Variants in MED13L observed in about 807,000 individuals in gnomAD.
MED13L encodes the protein mediator of RNA polymerase II transcription subunit 13-like.
In MED13L, 7 loss-of-function variants were observed where a neutral mutation model predicts 220.9. The ratio of observed to expected loss-of-function variants is 0.03; its 90% confidence interval spans 0.02 to 0.06. The LOEUF (loss-of-function observed/expected upper bound fraction) is 0.06, where lower values mean the gene tolerates loss of function less well. Ranked by LOEUF, MED13L falls within the 10% of genes least tolerant of loss-of-function variation. The pLI, the probability that MED13L is intolerant of heterozygous loss-of-function variation, is 1.00. For missense variants in MED13L, 1,965 were observed against 2,760.5 expected (o/e 0.71, Z 6.46); for synonymous variants, 1,011 against 1,015.2 (o/e 1.00, Z 0.08).
intron 4 of MED13L, among the ~76,000 whole-genome samples, chr12:116,088,102 A>G (rs895402732): frequency 6.6e-6 from 1 of 152,120 alleles, no homozygotes; most frequent in African/African-American, 2.4e-5. Flanking sequence ...CACCAGAAGG[A>G]GGAAATGGCA....
At chr12:116,124,440 T>C (rs780390424) in intron 2 of MED13L, among the ~76,000 whole-genome samples, 3 of 152,188 alleles carry the variant, frequency 2.0e-5, no homozygotes, top group Non-Finnish European at 4.4e-5. Context: ...CTTCTTTCAC[T>C]ATAGGACTAG....
Position 116,008,767 on chromosome 12 carries a change from T to A in MED13L, c.1646A>T (p.His549Leu), listed in dbSNP as rs756238240. 1 of 1,613,974 alleles carries A rather than the reference T, an allele frequency of 6.2e-7. No individual in the cohort carries two copies. The highest frequency in any genetic ancestry group is 2.2e-5 in the East Asian group (1 of 44,836). Residue 549 changes from histidine (H) to leucine (L), a missense_variant, in exon 10 of 31, where the codon CAT becomes CTT. His to Leu is a moderately conservative substitution (Grantham distance 99). Transcript: ENST00000281928. ...TGGTGGCAGAGGGGATATAGGGGAA[T>A]GAGGTGAATCCATAGGATTCAGATT... ...QMNLNPMDSP[H>L]SPISPLPPTL...
intron 4 of MED13L, among the ~76,000 whole-genome samples, chr12:116,031,751 A>G (rs200105408): frequency 3.1e-5 from 1 of 31,946 alleles, no homozygotes; most frequent in Non-Finnish European, 4.8e-5. Context: ...AAAAGAAAAG[A>G]AAAGAAAAGA....
chr12:116,253,698 T>C (rs751953820), intron 1 of MED13L, among the ~76,000 whole-genome samples: 6 of 148,068 alleles, frequency 4.1e-5, no homozygotes, highest in African/African-American at 9.9e-5. Flanking sequence ...ATCATCTCAA[T>C]AGATGCAGAA....
intron 2 of MED13L, among the ~76,000 whole-genome samples, chr12:116,232,463 T>C (rs1218278144): frequency 2.0e-5 from 3 of 152,328 alleles, no homozygotes; most frequent in South Asian, 4.1e-4. Flanking sequence ...ATAATATGCT[T>C]TATTTTAACT....
At chr12:116,109,875 G>C (rs1412411744) in intron 3 of MED13L, among the ~76,000 whole-genome samples, 6 of 152,192 alleles carry the variant, frequency 3.9e-5, no homozygotes, top group African/African-American at 1.4e-4. Flanking sequence ...AGGAGCTAAA[G>C]TTGAGAATGA....
chr12:116,275,989 C>A (rs1873782670), intron 1 of MED13L, among the ~76,000 whole-genome samples: 1 of 152,282 alleles, frequency 6.6e-6, no homozygotes, highest in East Asian at 1.9e-4. Context: ...TTAGCCTAAA[C>A]GCCAGGTTTA....
rs575586344 is a variant in MED13L at position 116,130,093 on chromosome 12, G to A, written c.311-18581C>T. The stretch of plus-strand genomic sequence containing the variant: ...ATCATAAACATTCATGACTTTCCAG[G>A]AAACCAACAGGTTTCTTAAACTCAC... On this transcript the variant is annotated intron_variant, in intron 2 of 30. Coordinates refer to ENST00000281928, the MANE Select transcript of MED13L (RefSeq NM_015335.5). 9.9e-5 allele frequency among the ~76,000 whole-genome samples: 15 copies of A among 152,130 alleles called. No individual in the cohort carries two copies. The South Asian group carries it at 2.9e-3, about 29-fold the overall frequency.
At chr12:116,061,269 T>G (rs1005989203) in intron 4 of MED13L, among the ~76,000 whole-genome samples, 5 of 152,220 alleles carry the variant, frequency 3.3e-5, no homozygotes, top group African/African-American at 1.2e-4. Context: ...ATAAAATTGT[T>G]GTATTTAAAT....
intron 2 of MED13L, among the ~76,000 whole-genome samples, chr12:116,143,063 G>A (rs12319915): frequency 0.028 from 4,308 of 152,156 alleles, 190 homozygotes; most frequent in African/African-American, 0.098. Flanking sequence ...CTCTATAATC[G>A]ATGTTGACTG....
chr12:116,236,726 A>C (rs905145287), intron 2 of MED13L: 1 of 579,814 alleles, frequency 1.7e-6, no homozygotes, highest in Non-Finnish European at 2.2e-6. Flanking sequence ...AAAAGGTAAA[A>C]ATTTTTACCA....
intron 5 of MED13L, 38 bp from the exon 6 acceptor site, chr12:116,020,010 G>T (rs1171626659): frequency 1.3e-6 from 2 of 1,567,104 alleles, no homozygotes; most frequent in East Asian, 4.5e-5. Context: ...AAACATTAGA[G>T]AAATAATTCC....
chr12:116,031,326 T>C (rs550430501), intron 4 of MED13L, among the ~76,000 whole-genome samples: 7 of 152,078 alleles, frequency 4.6e-5, no homozygotes, highest in Non-Finnish European at 8.8e-5. Context: ...ATGCCTGTAA[T>C]CCAAGCACTT....
intron 14 of MED13L, among the ~76,000 whole-genome samples, chr12:116,000,467 T>C (rs1878670850): frequency 1.3e-5 from 2 of 152,196 alleles, no homozygotes; most frequent in African/African-American, 4.8e-5. Context: ...ACTTTATGTA[T>C]TCATGCACAG....
At chr12:116,207,784 G>GAA (rs1379996118) in intron 2 of MED13L, among the ~76,000 whole-genome samples, 5 of 141,980 alleles carry the variant, frequency 3.5e-5, no homozygotes, top group African/African-American at 7.7e-5. Flanking sequence ...TTTAAAAAAA[G>GAA]AAAAAAAAAA....
chr12:116,161,961 G>T (rs1254036067), intron 2 of MED13L, among the ~76,000 whole-genome samples: 2 of 151,968 alleles, frequency 1.3e-5, no homozygotes, highest in Non-Finnish European at 2.9e-5. Flanking sequence ...GGGCAGGGGG[G>T]CAAAGAAAAG....
At chr12:116,171,549 C>T (rs528875626) in intron 2 of MED13L, among the ~76,000 whole-genome samples, 4 of 152,270 alleles carry the variant, frequency 2.6e-5, no homozygotes, top group Non-Finnish European at 5.9e-5. Context: ...TTACAGAATC[C>T]TCTGATTTAG....
chr12:116,006,655 C>T (rs80088604), intron 11 of MED13L, among the ~76,000 whole-genome samples: 2,593 of 152,284 alleles, frequency 0.017, 41 homozygotes, highest in Middle Eastern at 0.031. Flanking sequence ...GTGTTTTATG[C>T]CTAAGCAGTA....
chr12:116,271,544 C>T (rs975155081), intron 1 of MED13L, among the ~76,000 whole-genome samples: 13 of 150,594 alleles, frequency 8.6e-5, no homozygotes, highest in East Asian at 5.9e-4. Flanking sequence ...GAGAATGGCA[C>T]GAACCCGGGA....
Sources: allele counts gnomAD v4.1 joint callset (sites outside exome capture counted in the v4.1 genomes callset), GRCh38; gene constraint gnomAD v4.1.1; transcripts MANE v1.5; gene names NCBI Gene and HGNC (gene_info 2026-07-23, HGNC 2026-07-21).